PCNX3: variants seen among roughly 807,000 people sequenced by gnomAD.
PCNX3 encodes pecanex-like protein 3.
PCNX3 carries 58 observed loss-of-function variants against 207.2 expected under a neutral mutation model. The observed-to-expected ratio is 0.28, with a 90% CI of 0.23 to 0.35. The LOEUF (loss-of-function observed/expected upper bound fraction) is 0.35. PCNX3 is among the 10% of genes least tolerant of loss of function. PCNX3 has a pLI of 1.00. For missense variants in PCNX3, 2,410 were observed against 2,774.4 expected, an observed-to-expected ratio of 0.87 and a Z score of 2.95; for synonymous variants, 1,337 against 1,183.5, an observed-to-expected ratio of 1.13 and a Z score of -2.66.
Position 65,616,893 on chromosome 11 carries a change from A to C in PCNX3, c.223A>C (p.Lys75Gln). 1.2e-6 allele frequency: 2 copies of C among 1,613,598 alleles called. No homozygotes were observed. Among genetic ancestry groups the C allele is most frequent in the Non-Finnish European group, 8.5e-7 (1 of 1,179,844 alleles). Residue 75 changes from lysine to glutamine, a missense_variant, in exon 2 of 35, where the codon AAG becomes CAG. Physicochemically the swap from Lys to Gln is moderately conservative, Grantham distance 53. This residue lies in a region of PCNX3 where 1,104 missense variants were observed against 970.3 expected (regional missense o/e 1.14). Coordinates refer to ENST00000355703, the MANE Select transcript of PCNX3 (RefSeq NM_032223.4). The part of the protein sequence containing the change: ...LVVAVIFATI[K>Q]TVNYRLHAMF... ...GGTGGCTGTCATCTTTGCTACTATC[A>C]AGACTGTCAATTATCGGCTTCATGC...
intron 27 of PCNX3, 77 bp from the exon 28 acceptor site, chr11:65,634,049 G>C (rs1855724233): frequency 2.3e-6 from 3 of 1,320,264 alleles, no homozygotes. Flanking sequence ...TTGGGGAGGA[G>C]CCTCTGAACC....
At position 65,625,919 on chromosome 11, in the gene PCNX3, G is replaced by C. The variant is rs745460636; in HGVS notation, c.3244G>C (p.Val1082Leu). ...FIALKSVLGF[V>L]LYALAGAVGF... Reference sequence around the variant, plus strand: ...CCTCCTGCAGTCGGTGCTGGGTTTCGTGTTGTACGCACTGGCTGGGGCCGT... The same window carrying C: ...CCTCCTGCAGTCGGTGCTGGGTTTCCTGTTGTACGCACTGGCTGGGGCCGT... Residue 1082 changes from valine to leucine, a missense_variant, in exon 20 of 35, where the codon GTG becomes CTG. Val to Leu is a conservative substitution (Grantham distance 32). Coordinates refer to ENST00000355703, the MANE Select transcript of PCNX3 (RefSeq NM_032223.4). This position sits in a 1 kb window ranked among gnomAD's most constrained non-coding sequence, Gnocchi z 5.6. The C allele has an allele frequency of 2.4e-5, 39 of 1,613,608 alleles. No homozygotes were observed. The highest frequency in any genetic ancestry group is 3.1e-5 in the Non-Finnish European group (36 of 1,179,790).
At chr11:65,624,107 G>A in intron 13 of PCNX3, 88 bp from the exon 14 acceptor site, 1 of 1,567,812 alleles carries the variant, frequency 6.4e-7, no homozygotes, top group Non-Finnish European at 8.6e-7. Context: ...CTTGGACCCA[G>A]GGCCAGGCCT....
At chr11:65,633,516 C>G (rs1323440403) in intron 27 of PCNX3, among the ~76,000 whole-genome samples, 2 of 152,170 alleles carry the variant, frequency 1.3e-5, no homozygotes, top group African/African-American at 2.4e-5. Context: ...GGCGGCAGTT[C>G]AGTCTGTTCT....
rs777819861 is a variant in PCNX3 at position 65,628,868 on chromosome 11, G to T, written c.3861G>T (p.Thr1287=). The T allele has an allele frequency of 1.2e-6, 2 of 1,612,536 alleles. No homozygotes were observed. Among genetic ancestry groups the T allele is most frequent in the Non-Finnish European group, 1.7e-6 (2 of 1,179,854 alleles). ...CCCTGCTCTCGGGGCTCTTCTCCACGCCTCTCAACCCACTGCTAGGCAGTG... is the reference window on the plus strand; with the variant it reads ...CCCTGCTCTCGGGGCTCTTCTCCACTCCTCTCAACCCACTGCTAGGCAGTG... ...VQALLSGLFS[T]PLNPLLGSAV... The change falls in exon 24 of 35, where the codon ACG becomes ACT. Residue 1287 remains threonine (T), a synonymous_variant. Transcript: ENST00000355703.
chr11:65,626,830 C>T, intron 20 of PCNX3, 74 bp from the exon 21 acceptor site: 2 of 1,546,838 alleles, frequency 1.3e-6, no homozygotes, highest in Non-Finnish European at 1.7e-6. Context: ...ACAGCCTGCC[C>T]TCCTAGGGAA....
rs1423431080 is a variant in PCNX3, at chr11:65,618,377, C to A, written c.1015C>A (p.Pro339Thr). ...AGCCCCTGAGGGCAGCGACACAGAC[C>A]CACCCTCTGAGGCTGAGCTGCCTGC... ...GPAPEGSDTD[P>T]PSEAELPASP... is the part of the protein sequence containing the mutation. The change falls in exon 6 of 35, where the codon CCA becomes ACA. Residue 339 changes from proline to threonine, a missense_variant. Pro to Thr is a conservative substitution (Grantham distance 38). Transcript: ENST00000355703. 1.9e-6 allele frequency: 3 copies of A among 1,612,758 alleles called. No individual in the cohort carries two copies. Among genetic ancestry groups the A allele is most frequent in the Non-Finnish European group, 2.5e-6 (3 of 1,179,844 alleles).
chr11:65,632,319 A>G (rs1855647140), intron 27 of PCNX3, among the ~76,000 whole-genome samples: 1 of 143,772 alleles, frequency 7.0e-6, no homozygotes, highest in African/African-American at 2.6e-5. Context: ...GGGCGGGGGG[A>G]GGCGGGTGTG....
chr11:65,619,867 T>C lies in PCNX3; in HGVS notation c.1943T>C (p.Val648Ala). 1.9e-6 allele frequency: 3 copies of C among 1,611,362 alleles called. No individual in the cohort carries two copies. The highest frequency in any genetic ancestry group is 2.5e-6 in the Non-Finnish European group (3 of 1,179,662). The part of the protein sequence containing the change: ...SLLLTRAGAN[V>A]HEACTFDDTS... ...TTGCTCACCCGGGCCGGTGCCAATGTGCATGAGGCCTGCACCTTTGATGAC... is the reference window on the plus strand; with the variant it reads ...TTGCTCACCCGGGCCGGTGCCAATGCGCATGAGGCCTGCACCTTTGATGAC... The change falls in exon 8 of 35, where the codon GTG becomes GCG. Residue 648 changes from valine (V) to alanine (A), a missense_variant. Physicochemically the swap from Val to Ala is moderately conservative, Grantham distance 64. This residue lies in a region of PCNX3 where 1,104 missense variants were observed against 970.3 expected (regional missense o/e 1.14). Coordinates refer to ENST00000355703, the MANE Select transcript of PCNX3 (RefSeq NM_032223.4).
Position 65,616,143 on chromosome 11 carries a change from C to T in PCNX3, c.-169C>T, listed in dbSNP as rs1854713296. On this transcript the variant is annotated 5_prime_UTR_variant, in exon 1 of 35. Coordinates refer to ENST00000355703, the MANE Select transcript of PCNX3 (RefSeq NM_032223.4). ...CCACTGACTGTCCCGGCCGGCCCCG[C>T]CCCCTGCTCGCACCCTCGCGCGGCC... The T allele has an allele frequency of 2.4e-6, 1 of 424,166 alleles. No individual in the cohort carries two copies. Among genetic ancestry groups the T allele is most frequent in the Non-Finnish European group, 4.0e-6 (1 of 252,222 alleles). The allele number at this position is 424,166 out of a possible 1,614,324, so 26.3% of individuals were successfully genotyped here.
Position 65,623,496 on chromosome 11 carries a change from G to C in PCNX3, c.2363G>C (p.Arg788Pro). ...TGACTAGGCTGTCCCTGCAGGACGC[G>C]GGGAGTGCTGGAGAACATCTTCGGC... ...LALLALLDRT[R>P]GVLENIFGVG... The change falls in exon 12 of 35, where the codon CGG becomes CCG. Residue 788 changes from arginine (R) to proline (P), a missense_variant. By Grantham distance (103) the Arg-to-Pro change is moderately radical (BLOSUM62 -2). This residue lies in a region of PCNX3 where 177 missense variants were observed against 257.5 expected (regional missense o/e 0.69). Coordinates refer to ENST00000355703, the MANE Select transcript of PCNX3 (RefSeq NM_032223.4). 6.2e-7 allele frequency: 1 copy of C among 1,607,208 alleles called. No individual in the cohort carries two copies. Among genetic ancestry groups the C allele is most frequent in the East Asian group, 2.2e-5 (1 of 44,812 alleles).
chr11:65,617,028 CT>C lies in PCNX3; in HGVS notation c.341+18del. 5 of 1,589,880 alleles carry C rather than the reference CT, an allele frequency of 3.1e-6. No individual in the cohort carries two copies. Among genetic ancestry groups the C allele is most frequent in the Non-Finnish European group, 4.3e-6 (5 of 1,168,212 alleles). On this transcript the variant is annotated intron_variant, in intron 2 of 34. Coordinates refer to ENST00000355703, the MANE Select transcript of PCNX3 (RefSeq NM_032223.4). ...TCCACCCAGGTGGGTGGGGTAGGGG[CT>C]GTGCTGGGGATTGAGGGTTTTTGGT...
In PCNX3 at chr11:65,620,227, A is replaced by G. The variant is rs576953232; in HGVS notation, c.2009-112A>G. The G allele has an allele frequency of 1.6e-4, 182 of 1,169,746 alleles. 1 individual carries two copies. The Middle Eastern group carries it at 2.8e-3, about 18-fold the overall frequency. 72.5% of individuals were successfully genotyped at this position (1,169,746 alleles called of 1,614,324 possible). A position where few individuals can be genotyped will look rare whatever the true frequency, so the allele number is the denominator to read the frequency against. ...TCTCCAGAGGCTGGGCTGCCCTCTC[A>G]GAGGACACAGCACAAGGTTCTGCCT... On this transcript the variant is annotated intron_variant, in intron 8 of 34. Coordinates refer to ENST00000355703, the MANE Select transcript of PCNX3 (RefSeq NM_032223.4).
chr11:65,624,659 C>T, intron 15 of PCNX3, 78 bp downstream of exon 15: 1 of 1,339,188 alleles, frequency 7.5e-7, no homozygotes, highest in Non-Finnish European at 1.0e-6. Flanking sequence ...TCCTTGGCTC[C>T]ACCCTTGCGG....
Position 65,625,787 on chromosome 11 carries a change from G to A in PCNX3, c.3228+43G>A, listed in dbSNP as rs770597903. ...CGCTGCTGCCTCTCGCTGTCTTGGC[G>A]GGAGCCTGCTCAATCTGAGTGCCGT... On this transcript the variant is annotated intron_variant, in intron 19 of 34. Transcript: ENST00000355703. This position sits in a 1 kb window ranked among gnomAD's most constrained non-coding sequence, Gnocchi z 5.6. 3.1e-6 allele frequency: 5 copies of A among 1,598,706 alleles called. No individual in the cohort carries two copies. The highest frequency in any genetic ancestry group is 3.4e-5 in the Admixed American group (2 of 58,732).
At chr11:65,633,708 G>T (rs916984003) in intron 27 of PCNX3, among the ~76,000 whole-genome samples, 2 of 152,232 alleles carry the variant, frequency 1.3e-5, no homozygotes, top group African/African-American at 4.8e-5. Flanking sequence ...GGGGGACAGG[G>T]TTCAGGGCAG....
rs747020745 is a variant in PCNX3 at position 65,625,318 on chromosome 11, G to GT, written c.3029+39dup. 1 of 1,594,358 alleles carries GT rather than the reference G, an allele frequency of 6.3e-7. No homozygotes were observed. Among genetic ancestry groups the GT allele is most frequent in the Admixed American group, 1.7e-5 (1 of 59,624 alleles). On this transcript the variant is annotated intron_variant, in intron 17 of 34. Transcript: ENST00000355703. This position sits in a 1 kb window ranked among gnomAD's most constrained non-coding sequence, Gnocchi z 5.6. ...CGGGTCGTGTGTTTGTGTCTGCCCA[G>GT]TAGGGGTTTGTGGTCTGTGCATGTG...
chr11:65,628,775 G>GGGGGGGGGGGGGGC, intron 23 of PCNX3, 44 bp from the exon 24 acceptor site: 5 of 1,500,464 alleles, frequency 3.3e-6, no homozygotes, highest in East Asian at 2.4e-5. Context: ...GTGGTGGGGG[G>GGGGGGGGGGGGGGC]CTGGGAGGTC....
At position 65,615,796 on chromosome 11, in the gene PCNX3, G is replaced by C. The variant is rs1854695190; in HGVS notation, c.-516G>C. On this transcript the variant is annotated 5_prime_UTR_variant, in exon 1 of 35. Transcript: ENST00000355703. Reference sequence around the variant, plus strand: ...TGGGCGCATGCGCCACTGCAGGCTGGCGGTTCGCGGCTCCTTCTTCCGGCC... The same window carrying C: ...TGGGCGCATGCGCCACTGCAGGCTGCCGGTTCGCGGCTCCTTCTTCCGGCC... 6.6e-6 allele frequency: 1 copy of C among 152,250 alleles called. No homozygotes were observed. Among genetic ancestry groups the C allele is most frequent in the African/African-American group, 2.4e-5 (1 of 41,456 alleles). The allele number at this position is 152,250 out of a possible 1,614,324, so 9.4% of individuals were successfully genotyped here. A position where few individuals can be genotyped will look rare whatever the true frequency, so the allele number is the denominator to read the frequency against.
Sources: allele counts gnomAD v4.1 joint callset (sites outside exome capture counted in the v4.1 genomes callset), GRCh38; gene constraint gnomAD v4.1.1; regional missense constraint gnomAD v4.1.1; non-coding constraint Gnocchi (gnomAD v3.1); transcripts MANE v1.5; gene names NCBI Gene and HGNC (gene_info 2026-07-23, HGNC 2026-07-21).